CEP295: variants seen among roughly 807,000 people sequenced by gnomAD.
The protein encoded by CEP295 is centrosomal protein of 295 kDa.
In CEP295, 190 loss-of-function variants were observed where a neutral mutation model predicts 291.6. The observed-to-expected ratio is 0.65, with a 90% CI of 0.58 to 0.73. The LOEUF (loss-of-function observed/expected upper bound fraction) is 0.73, where lower values mean the gene tolerates loss of function less well. CEP295 is among the 30% of genes least tolerant of loss of function. CEP295 has a pLI of 0.00. For missense variants in CEP295, 2,863 were observed against 2,949.4 expected (o/e 0.97, Z 0.68); for synonymous variants, 993 against 1,038.8 (o/e 0.96, Z 0.85).
intron 5 of CEP295, among the ~76,000 whole-genome samples, chr11:93,672,216 C>T (rs185560433): frequency 2.6e-4 from 39 of 152,282 alleles, no homozygotes; most frequent in Admixed American, 9.8e-4. Flanking sequence ...CGTGAATATA[C>T]TTCAGAGTTC....
chr11:93,667,269 A>T (rs1240466029), intron 2 of CEP295, among the ~76,000 whole-genome samples: 2 of 152,222 alleles, frequency 1.3e-5, no homozygotes, highest in Non-Finnish European at 2.9e-5. Flanking sequence ...TGGAGTTCTC[A>T]TCTGGCTCTG....
Position 93,702,904 on chromosome 11 carries a change from A to G in CEP295, c.5581A>G (p.Arg1861Gly), listed in dbSNP as rs1952261024. Residue 1861 changes from arginine (R) to glycine (G), a missense_variant, in exon 17 of 30, where the codon AGA becomes GGA. Coordinates refer to ENST00000325212, the MANE Select transcript of CEP295 (RefSeq NM_033395.2). The stretch of plus-strand genomic sequence containing the variant: ...AGAAGTAGAGTCACCAGCAATTGGC[A>G]GAACTTCTATACTAGGTAAATAGAT... Reference protein sequence around the residue: ...IQEVESPAIGRTSILGKPGIY... With the variant: ...IQEVESPAIGGTSILGKPGIY... 1 of 1,550,430 alleles carries G rather than the reference A, an allele frequency of 6.4e-7. No individual in the cohort carries two copies. Among genetic ancestry groups the G allele is most frequent in the Non-Finnish European group, 8.7e-7 (1 of 1,146,582 alleles).
intron 1 of CEP295, among the ~76,000 whole-genome samples, chr11:93,665,212 G>A (rs964943630): frequency 1.3e-5 from 2 of 152,214 alleles, no homozygotes; most frequent in African/African-American, 4.8e-5. Flanking sequence ...AAATGCTCAT[G>A]TACTCATGTA....
In CEP295 at chr11:93,712,344, C is replaced by T. The variant is rs549439468; in HGVS notation, c.5749+5447C>T. Among the ~76,000 whole-genome samples the T allele has an allele frequency of 6.6e-5, 10 of 152,256 alleles. No individual in the cohort carries two copies. The South Asian group carries it at 1.4e-3, about 22-fold the overall frequency. The stretch of plus-strand genomic sequence containing the variant: ...TCTTGGCTCACTGCAGCCTCCGCCT[C>T]GTGGGTTCAAGTGATTCTCCTGCTT... On this transcript the variant is annotated intron_variant, in intron 18 of 29. Transcript: ENST00000325212.
Position 93,697,580 on chromosome 11 carries a change from C to G in CEP295, c.2668C>G (p.Pro890Ala), listed in dbSNP as rs1486841872. ...EQQTGLSVFL[P>A]LVTPDSSALL... is the part of the protein sequence containing the mutation. ...GCAAACGGGCCTCTCGGTATTCCTTCCCTTGGTAACTCCAGATTCATCTGC... is the reference window on the plus strand; with the variant it reads ...GCAAACGGGCCTCTCGGTATTCCTTGCCTTGGTAACTCCAGATTCATCTGC... Residue 890 changes from proline to alanine, a missense_variant, in exon 15 of 30, where the codon CCC (proline) becomes GCC (alanine). By Grantham distance (27) the Pro-to-Ala change is conservative. This residue lies in a region of CEP295 where 2,295 missense variants were observed against 2,335.7 expected (regional missense o/e 0.98). Coordinates refer to ENST00000325212, the MANE Select transcript of CEP295 (RefSeq NM_033395.2). 2 of 1,551,598 alleles carry G rather than the reference C, an allele frequency of 1.3e-6. No individual in the cohort carries two copies. The highest frequency in any genetic ancestry group is 8.7e-7 in the Non-Finnish European group (1 of 1,146,968).
In CEP295 at chr11:93,683,753, T is replaced by TCAGTAAGAAATA. The variant is rs1951087033; in HGVS notation, c.949+11_949+12insCAGTAAGAAATA. On this transcript the variant is annotated intron_variant, in intron 8 of 29. Coordinates refer to ENST00000325212, the MANE Select transcript of CEP295 (RefSeq NM_033395.2). ...ACAATGCAGACAGGAGTAAGATATT[T>TCAGTAAGAAATA]TCAGTAGGGCTTTCAATAGTGATTT... The TCAGTAAGAAATA allele has an allele frequency of 6.6e-7, 1 of 1,525,510 alleles. No individual in the cohort carries two copies. Among genetic ancestry groups the TCAGTAAGAAATA allele is most frequent in the East Asian group, 2.4e-5 (1 of 40,832 alleles). The allele number at this position is 1,525,510 out of a possible 1,614,324, so 94.5% of individuals were successfully genotyped here. A position where few individuals can be genotyped will look rare whatever the true frequency, so the allele number is the denominator to read the frequency against.
At position 93,687,637 on chromosome 11, in the gene CEP295, C is replaced by T. The variant is rs1565450151; in HGVS notation, c.1115-7C>T. 4.8e-6 allele frequency: 7 copies of T among 1,449,382 alleles called. No individual in the cohort carries two copies. In the Admixed American group the frequency reaches 6.7e-5, roughly 14 times the overall value. The allele number at this position is 1,449,382 out of a possible 1,614,324, so 89.8% of individuals were successfully genotyped here. A position where few individuals can be genotyped will look rare whatever the true frequency, so the allele number is the denominator to read the frequency against. On this transcript the variant is annotated splice_region_variant and splice_polypyrimidine_tract_variant and intron_variant, in intron 9 of 29. Coordinates refer to ENST00000325212, the MANE Select transcript of CEP295 (RefSeq NM_033395.2). ...AAATAAGTTTTTTCCCTTTTTCTTT[C>T]TTTTAGTTCCCTTGGTAATGAAGAC...
At chr11:93,725,868 A>T in intron 23 of CEP295, 37 bp downstream of exon 23, 4 of 1,515,762 alleles carry the variant, frequency 2.6e-6, no homozygotes, top group Non-Finnish European at 3.6e-6. Flanking sequence ...TAATTTTTCC[A>T]TGATTTTTTA....
rs1172219174 is a variant in CEP295 at position 93,721,349 on chromosome 11, G to A, written c.5787G>A (p.Val1929=). ...LKESVVENHA[V]LSYAVEEEHA... is the part of the protein sequence containing the mutation. Reference sequence around the variant, plus strand: ...AATCTGTTGTTGAAAATCATGCAGTGTTAAGTTATGCTGTGGAGGAAGAAC... The same window carrying A: ...AATCTGTTGTTGAAAATCATGCAGTATTAAGTTATGCTGTGGAGGAAGAAC... Residue 1929 remains valine (V), a synonymous_variant, in exon 19 of 30, where the codon GTG becomes GTA. Transcript: ENST00000325212. 4 of 1,558,292 alleles carry A rather than the reference G, an allele frequency of 2.6e-6. No individual in the cohort carries two copies. Among genetic ancestry groups the A allele is most frequent in the East Asian group, 2.4e-5 (1 of 41,336 alleles).
intron 9 of CEP295, among the ~76,000 whole-genome samples, chr11:93,685,028 A>T (rs7926876): frequency 1.3e-5 from 2 of 152,132 alleles, no homozygotes; most frequent in Non-Finnish European, 2.9e-5. Flanking sequence ...TCTAGCAATA[A>T]ATTTATGATC....
chr11:93,705,036 TC>T (rs1353465013), intron 17 of CEP295, among the ~76,000 whole-genome samples: 8 of 152,202 alleles, frequency 5.3e-5, no homozygotes, highest in Non-Finnish European at 1.2e-4. Flanking sequence ...AAACTTTTTT[TC>T]ATGTAGTAAA....
chr11:93,697,643 C>T lies in CEP295; in HGVS notation c.2731C>T (p.Gln911Ter). 1.3e-6 allele frequency: 2 copies of T among 1,551,838 alleles called. No homozygotes were observed. Among genetic ancestry groups the T allele is most frequent in the Non-Finnish European group, 8.7e-7 (1 of 1,147,018 alleles). Residue 911 changes from glutamine to a stop codon, truncating the protein, a stop_gained, in exon 15 of 30, where the codon CAG becomes TAG. Coordinates refer to ENST00000325212, the MANE Select transcript of CEP295 (RefSeq NM_033395.2). LOFTEE classifies it high-confidence loss of function. Reference protein sequence around the residue: ...PSAKADLGRIQESSPTKNNIA... With the variant: ...PSAKADLGRI ...TGCCAAAGCAGATTTGGGGAGAATC[C>T]AGGAATCTTCACCAACCAAGAATAA...
chr11:93,698,384 G>A lies in CEP295; in HGVS notation c.3472G>A (p.Ala1158Thr). The A allele has an allele frequency of 1.9e-6, 3 of 1,552,076 alleles. No homozygotes were observed. In the South Asian group the frequency reaches 3.6e-5, roughly 18 times the overall value. The change falls in exon 15 of 30, where the codon GCA (alanine) becomes ACA (threonine). Residue 1158 changes from alanine to threonine, a missense_variant. Physicochemically the swap from Ala to Thr is moderately conservative, Grantham distance 58 (BLOSUM62 0). Transcript: ENST00000325212. ...KSLSFPQHSLAQQENLTILQE... is the reference protein window; with the variant it reads ...KSLSFPQHSLTQQENLTILQE... Reference sequence around the variant, plus strand: ...TCTTAGTTTTCCACAGCATAGCCTGGCACAGCAAGAAAATTTGACAATACT... The same window carrying A: ...TCTTAGTTTTCCACAGCATAGCCTGACACAGCAAGAAAATTTGACAATACT...
intron 13 of CEP295, 35 bp downstream of exon 13, chr11:93,695,669 A>G: frequency 1.4e-6 from 2 of 1,472,972 alleles, no homozygotes; most frequent in Non-Finnish European, 1.8e-6. Context: ...TACATAAATC[A>G]TTTGGTAAGG....
intron 18 of CEP295, among the ~76,000 whole-genome samples, chr11:93,712,253 A>AT (rs934591246): frequency 1.2e-4 from 17 of 146,102 alleles, no homozygotes; most frequent in African/African-American, 4.3e-4. Flanking sequence ...TTATTTATTT[A>AT]TTTATTTTTT....
intron 7 of CEP295, 33 bp downstream of exon 7, chr11:93,679,585 C>T (rs2134916667): frequency 2.0e-6 from 3 of 1,533,754 alleles, no homozygotes; most frequent in South Asian, 2.4e-5. Context: ...GACCATTACT[C>T]ATGGACTTAC....
intron 6 of CEP295, 86 bp downstream of exon 6, chr11:93,675,752 G>T: frequency 1.4e-6 from 1 of 705,062 alleles, no homozygotes; most frequent in Non-Finnish European, 2.3e-6. Flanking sequence ...TATGTATGGT[G>T]TTCCCAGATT....
Position 93,723,181 on chromosome 11 carries a change from CTG to C in CEP295, c.6090_6091del (p.Leu2031AlafsTer5), listed in dbSNP as rs1565218104. ...RQNSSDVHKSLLPAVDETTCG... is the reference protein window; with the variant it reads ...RQNSSDVHKSXLPAVDETTCG... Reference sequence around the variant, plus strand: ...GAACTCTTCAGACGTTCATAAATCTCTGTTGCCTGCAGTGGATGAAACTACAT... The same window carrying C: ...GAACTCTTCAGACGTTCATAAATCTCTTGCCTGCAGTGGATGAAACTACAT... On this transcript the variant is annotated frameshift_variant, in exon 21 of 30. Coordinates refer to ENST00000325212, the MANE Select transcript of CEP295 (RefSeq NM_033395.2). LOFTEE classifies it high-confidence loss of function. The C allele has an allele frequency of 6.4e-7, 1 of 1,552,070 alleles. No individual in the cohort carries two copies. The highest frequency in any genetic ancestry group is 1.2e-5 in the South Asian group (1 of 84,064).
chr11:93,710,862 T>A (rs536401143), intron 18 of CEP295, among the ~76,000 whole-genome samples: 1 of 152,348 alleles, frequency 6.6e-6, no homozygotes, highest in East Asian at 1.9e-4. Context: ...TGTCTAGGAA[T>A]TTATTCATTT....
Sources: allele counts gnomAD v4.1 joint callset (sites outside exome capture counted in the v4.1 genomes callset), GRCh38; gene constraint gnomAD v4.1.1; regional missense constraint gnomAD v4.1.1; transcripts MANE v1.5; gene names NCBI Gene and HGNC (gene_info 2026-07-23, HGNC 2026-07-21).